DOK6: variants seen among roughly 807,000 people sequenced by gnomAD.
DOK6 encodes docking protein 6.
A neutral mutation model predicts 44.0 loss-of-function variants in DOK6; 22 were observed. The observed-to-expected ratio is 0.50, with a 90% confidence interval of 0.36 to 0.71. The LOEUF is 0.71. Among genes scored for constraint, DOK6 ranks in the 30% least tolerant of loss-of-function variants. The probability of loss-of-function intolerance (pLI) is 0.00; values close to 1 mark genes in which losing one functional copy is unlikely to be tolerated. For synonymous variants in DOK6, 166 were observed against 145.5 expected (o/e 1.14, Z -1.01); for missense variants, 340 against 416.4 (o/e 0.82, Z 1.60).
chr18:69,655,306 G>A lies in DOK6; in HGVS notation c.290-22428G>A, dbSNP rs370845164. Among the ~76,000 whole-genome samples, 5 of 151,714 alleles carry A rather than the reference G, an allele frequency of 3.3e-5. No individual in the cohort carries two copies. The East Asian group carries it at 7.7e-4, about 23-fold the overall frequency. ...AGAAAAAATAGACATTATATTGGAAGGGCATAATATAAAAGACAGAATATA... is the reference window on the plus strand; with the variant it reads ...AGAAAAAATAGACATTATATTGGAAAGGCATAATATAAAAGACAGAATATA... On this transcript the variant is annotated intron_variant, in intron 3 of 7. Transcript: ENST00000382713.
chr18:69,494,166 A>G (rs914631361), intron 1 of DOK6, among the ~76,000 whole-genome samples: 1 of 152,180 alleles, frequency 6.6e-6, no homozygotes, highest in Admixed American at 6.5e-5. Context: ...AGTTAAACCC[A>G]CTTAAGATTT....
intron 4 of DOK6, among the ~76,000 whole-genome samples, chr18:69,681,486 C>A (rs574763098): frequency 6.6e-6 from 1 of 152,242 alleles, no homozygotes; most frequent in South Asian, 2.1e-4. Context: ...TTCATATCGA[C>A]CCAGAATCCC....
chr18:69,469,672 C>A, intron 1 of DOK6: 1 of 249,714 alleles, frequency 4.0e-6, no homozygotes, highest in South Asian at 4.0e-5. Flanking sequence ...TGGGCACTGC[C>A]GCCCCGGAGA....
chr18:69,812,143 G>A (rs1981259258), intron 7 of DOK6, among the ~76,000 whole-genome samples: 1 of 152,072 alleles, frequency 6.6e-6, no homozygotes, highest in Non-Finnish European at 1.5e-5. Flanking sequence ...GCACAGTGAA[G>A]GGAAAATTAA....
chr18:69,520,722 A>G (rs1331462388), intron 1 of DOK6, among the ~76,000 whole-genome samples: 1 of 151,956 alleles, frequency 6.6e-6, no homozygotes, highest in Non-Finnish European at 1.5e-5. Context: ...CATTGTGTAC[A>G]GTATATGCAA....
chr18:69,486,017 G>T (rs1226250424), intron 1 of DOK6, among the ~76,000 whole-genome samples: 2 of 150,710 alleles, frequency 1.3e-5, no homozygotes, highest in Non-Finnish European at 3.0e-5. Flanking sequence ...ATTCTCTTTT[G>T]GTCTATAAAT....
At chr18:69,452,114 G>C (rs1469932938) in intron 1 of DOK6, among the ~76,000 whole-genome samples, 1 of 151,960 alleles carries the variant, frequency 6.6e-6, no homozygotes, top group South Asian at 2.1e-4. Flanking sequence ...AAAAATCAAT[G>C]AATCCAGGAG....
chr18:69,646,304 A>G (rs548179829), intron 3 of DOK6, among the ~76,000 whole-genome samples: 2 of 151,556 alleles, frequency 1.3e-5, no homozygotes, highest in East Asian at 1.9e-4. Flanking sequence ...ATCTTTTCTA[A>G]GTTTTTGACA....
chr18:69,423,264 T>C lies in DOK6; in HGVS notation c.66+21954T>C, dbSNP rs950609052. ...CTGTAGTGAGCTGCGATCATGCCACTGTACTCCAGCATGGACAACAGAGTG... is the reference window on the plus strand; with the variant it reads ...CTGTAGTGAGCTGCGATCATGCCACCGTACTCCAGCATGGACAACAGAGTG... On this transcript the variant is annotated intron_variant, in intron 1 of 7. Transcript: ENST00000382713. Among the ~76,000 whole-genome samples the C allele has an allele frequency of 5.9e-5, 9 of 151,918 alleles. No individual in the cohort carries two copies. In the East Asian group the frequency reaches 1.7e-3, roughly 29 times the overall value.
At position 69,401,030 on chromosome 18, in the gene DOK6, G is replaced by T; in HGVS notation, c.-215G>T. The T allele has an allele frequency of 5.4e-6, 1 of 183,536 alleles. No homozygotes were observed. Among genetic ancestry groups the T allele is most frequent in the Non-Finnish European group, 1.1e-5 (1 of 93,248 alleles). 11.4% of individuals were successfully genotyped at this position (183,536 alleles called of 1,614,324 possible). ...GGTGAGCGCCAGAACGCGGAGGGCTGGCGCGGCTCGCGGCGCCGGGCCCCG... is the reference window on the plus strand; with the variant it reads ...GGTGAGCGCCAGAACGCGGAGGGCTTGCGCGGCTCGCGGCGCCGGGCCCCG... On this transcript the variant is annotated 5_prime_UTR_variant, in exon 1 of 8. Transcript: ENST00000382713.
At chr18:69,747,593 G>GCCCCCCCCC (rs1356674601) in intron 6 of DOK6, among the ~76,000 whole-genome samples, 2 of 148,270 alleles carry the variant, frequency 1.3e-5, no homozygotes, top group South Asian at 2.2e-4. Flanking sequence ...TTTCCGCTCC[G>GCCCCCCCCC]CCCCCTCCCC....
intron 4 of DOK6, among the ~76,000 whole-genome samples, chr18:69,682,323 T>C (rs1986062596): frequency 6.6e-6 from 1 of 152,182 alleles, no homozygotes; most frequent in South Asian, 2.1e-4. Flanking sequence ...TAAAATAATG[T>C]TGTGTTACCA....
At chr18:69,674,380 A>G (rs1158185068) in intron 3 of DOK6, among the ~76,000 whole-genome samples, 1 of 152,190 alleles carries the variant, frequency 6.6e-6, no homozygotes, top group African/African-American at 2.4e-5. Context: ...TCATGAAAAG[A>G]ATGAACTGAT....
Position 69,419,550 on chromosome 18 carries a change from A to C in DOK6, c.66+18240A>C, listed in dbSNP as rs77053242. 5.7e-3 allele frequency among the ~76,000 whole-genome samples: 872 copies of C among 152,284 alleles called. 4 individuals carry two copies. The highest frequency in any genetic ancestry group is 0.01 in the Non-Finnish European group (686 of 68,008). ...ATGATTTACCCAGGATTCGGAATTA[A>C]AGGTGAAGTAAATAATTGTTTTGCT... On this transcript the variant is annotated intron_variant, in intron 1 of 7. Coordinates refer to ENST00000382713, the MANE Select transcript of DOK6 (RefSeq NM_152721.6).
At chr18:69,783,310 G>C (rs563708280) in intron 7 of DOK6, among the ~76,000 whole-genome samples, 18 of 152,202 alleles carry the variant, frequency 1.2e-4, no homozygotes, top group Non-Finnish European at 1.3e-4. Context: ...TACTATAAGA[G>C]AGATACACAC....
At chr18:69,626,786 G>GTA (rs1453648789) in intron 3 of DOK6, among the ~76,000 whole-genome samples, 30 of 152,202 alleles carry the variant, frequency 2.0e-4, no homozygotes, top group African/African-American at 7.2e-4. Flanking sequence ...TCAAAGGAAT[G>GTA]GTTCCCAGGT....
At chr18:69,839,156 CCA>C in intron 7 of DOK6, among the ~76,000 whole-genome samples, 1 of 148,354 alleles carries the variant, frequency 6.7e-6, no homozygotes, top group Admixed American at 6.7e-5. Flanking sequence ...TAGCTCTTCC[CCA>C]CTCTCCCTAA....
At chr18:69,757,153 T>C (rs147227929) in intron 6 of DOK6, among the ~76,000 whole-genome samples, 20 of 152,336 alleles carry the variant, frequency 1.3e-4, no homozygotes, top group Admixed American at 4.6e-4. Flanking sequence ...TATCACAGTG[T>C]TTCTCAGAGA....
chr18:69,752,299 G>A (rs1372168127), intron 6 of DOK6, among the ~76,000 whole-genome samples: 1 of 152,062 alleles, frequency 6.6e-6, no homozygotes, highest in Non-Finnish European at 1.5e-5. Context: ...ATTAAAATGT[G>A]AACACCAAAT....
Sources: gnomAD v4.1 joint callset for allele counts (sites outside exome capture counted in the v4.1 genomes callset) on GRCh38, gnomAD v4.1.1 for gene constraint, MANE v1.5 for transcripts, NCBI Gene and HGNC (gene_info 2026-07-23, HGNC 2026-07-21) for gene names.